The following FUT8 variants were observed in gnomAD, a reference collection of about 807,000 sequenced individuals.
The protein encoded by FUT8 is alpha-(1,6)-fucosyltransferase.
FUT8 carries 29 observed loss-of-function variants against 71.3 expected under a neutral mutation model. The observed-to-expected ratio is 0.41, with a 90% CI of 0.30 to 0.55. The LOEUF is 0.55. Ranked by LOEUF, FUT8 falls within the 20% of genes least tolerant of loss-of-function variation. FUT8 has a pLI of 0.34. For synonymous variants in FUT8, 254 were observed against 239.3 expected (o/e 1.06, Z -0.57); for missense variants, 544 against 702.1 (o/e 0.77, Z 2.55).
At chr14:65,576,696 C>CCTTTTTTTTTT (rs1886794034) in intron 3 of FUT8, among the ~76,000 whole-genome samples, 2 of 96,220 alleles carry the variant, frequency 2.1e-5, no homozygotes, top group African/African-American at 6.3e-5. Flanking sequence ...GCCCAGCTTG[C>CCTTTTTTTTTT]TTTTTTTTTT....
chr14:65,578,104 C>T (rs1886891102), intron 3 of FUT8, among the ~76,000 whole-genome samples: 4 of 151,944 alleles, frequency 2.6e-5, no homozygotes. Flanking sequence ...TATATAAATG[C>T]TACATAGGCA....
chr14:65,413,473 C>T lies in FUT8; in HGVS notation c.-326+259C>T, dbSNP rs891995930. On this transcript the variant is annotated intron_variant, in intron 1 of 10. Transcript: ENST00000673929. This position sits in a 1 kb window ranked among gnomAD's most constrained non-coding sequence, Gnocchi z 4.1. ...CCTCTCCAGCCGGGACGCGGAGCTGCGCCGCTGCTGCCCTCGGCGTCGCGC... is the reference window on the plus strand; with the variant it reads ...CCTCTCCAGCCGGGACGCGGAGCTGTGCCGCTGCTGCCCTCGGCGTCGCGC... Among the ~76,000 whole-genome samples the T allele has an allele frequency of 1.3e-5, 2 of 151,780 alleles. No homozygotes were observed. Among genetic ancestry groups the T allele is most frequent in the Admixed American group, 1.3e-4 (2 of 15,262 alleles).
intron 1 of FUT8, among the ~76,000 whole-genome samples, chr14:65,441,913 A>T (rs2065664150): frequency 6.6e-6 from 1 of 151,630 alleles, no homozygotes; most frequent in Non-Finnish European, 1.5e-5. Flanking sequence ...CTTGTCATTT[A>T]CATTAGGTAT....
At chr14:65,400,466 C>T in the FUT8 span, among the ~76,000 whole-genome samples, 1 of 152,326 alleles carries the variant, frequency 6.6e-6, no homozygotes, top group South Asian at 2.1e-4. Context: ...TGTTAATTCC[C>T]TGTTAGTCTT....
chr14:65,466,899 TC>T lies in FUT8; in HGVS notation c.-228+11183del, dbSNP rs1187654718. 2.7e-5 allele frequency among the ~76,000 whole-genome samples: 4 copies of T among 149,262 alleles called. No homozygotes were observed. In the East Asian group the frequency reaches 8.6e-4, roughly 32 times the overall value. The stretch of plus-strand genomic sequence containing the variant: ...TACCTTACAACTTAGTATTGTCAGT[TC>T]CTTTTTCCCATTCCTTATAACATTA... On this transcript the variant is annotated intron_variant, in intron 2 of 10. Coordinates refer to ENST00000673929, the MANE Select transcript of FUT8 (RefSeq NM_001371533.1).
intron 7 of FUT8, among the ~76,000 whole-genome samples, chr14:65,704,288 G>A (rs1894452666): frequency 1.3e-5 from 2 of 152,122 alleles, no homozygotes; most frequent in South Asian, 4.1e-4. Flanking sequence ...TTTCTTTCAA[G>A]GGGGCATGAC....
At chr14:65,485,730 C>T (rs1335591145) in intron 2 of FUT8, among the ~76,000 whole-genome samples, 1 of 152,160 alleles carries the variant, frequency 6.6e-6, no homozygotes, top group Non-Finnish European at 1.5e-5. Flanking sequence ...GCTACTTTCC[C>T]GGGGCTAGCT....
chr14:65,673,334 T>C (rs1262804506), intron 7 of FUT8, among the ~76,000 whole-genome samples: 1 of 152,280 alleles, frequency 6.6e-6, no homozygotes, highest in East Asian at 1.9e-4. Context: ...TGCTATTTGC[T>C]AGATACCTAT....
chr14:65,677,175 TATGTGTGTGC>T (rs1892800880), intron 7 of FUT8, among the ~76,000 whole-genome samples: 1 of 89,544 alleles, frequency 1.1e-5, no homozygotes, highest in South Asian at 3.4e-4. Context: ...CGCGCGCACG[TATGTGTGTGC>T]GCATGTGTGT....
chr14:65,375,639 G>A, the FUT8 span, among the ~76,000 whole-genome samples: 3 of 151,576 alleles, frequency 2.0e-5, no homozygotes, highest in South Asian at 2.1e-4. Flanking sequence ...AGAATAGGGC[G>A]GGAGTACTAA....
the FUT8 span, among the ~76,000 whole-genome samples, chr14:65,379,391 C>T: frequency 6.6e-6 from 1 of 152,056 alleles, no homozygotes; most frequent in East Asian, 1.9e-4. Context: ...ACTAGCTGGG[C>T]ATGGTGGTGC....
At chr14:65,596,085 G>C (rs1033362030) in intron 3 of FUT8, among the ~76,000 whole-genome samples, 1 of 152,174 alleles carries the variant, frequency 6.6e-6, no homozygotes, top group African/African-American at 2.4e-5. Context: ...TGACAAACTG[G>C]TAATCTGGAT....
the FUT8 span, among the ~76,000 whole-genome samples, chr14:65,374,220 AGTTT>A: frequency 6.6e-6 from 1 of 151,736 alleles, no homozygotes; most frequent in Non-Finnish European, 1.5e-5. Flanking sequence ...TTCTTTGCTG[AGTTT>A]GTTTTTGTGA....
chr14:65,732,015 T>A (rs1325202315), intron 9 of FUT8, among the ~76,000 whole-genome samples: 1 of 152,218 alleles, frequency 6.6e-6, no homozygotes, highest in Non-Finnish European at 1.5e-5. Context: ...TGTTGTTGTT[T>A]CTGCTCCATG....
At chr14:65,440,476 C>T (rs1315061126) in intron 1 of FUT8, among the ~76,000 whole-genome samples, 3 of 151,752 alleles carry the variant, frequency 2.0e-5, no homozygotes, top group Admixed American at 6.6e-5. Flanking sequence ...CCACCATGCC[C>T]AGCTAGAGAG....
At chr14:65,581,740 G>A (rs1369427359) in intron 3 of FUT8, among the ~76,000 whole-genome samples, 1 of 151,768 alleles carries the variant, frequency 6.6e-6, no homozygotes, top group Non-Finnish European at 1.5e-5. Context: ...TGTATGATAC[G>A]TGAGTTTGTA....
chr14:65,531,952 C>G (rs927906327), intron 2 of FUT8, among the ~76,000 whole-genome samples: 5 of 152,072 alleles, frequency 3.3e-5, no homozygotes, highest in Non-Finnish European at 5.9e-5. Flanking sequence ...TACATGATCT[C>G]ATTTTTTTTT....
the FUT8 span, among the ~76,000 whole-genome samples, chr14:65,368,749 C>T: frequency 1.3e-5 from 2 of 151,692 alleles, no homozygotes; most frequent in East Asian, 2.0e-4. Flanking sequence ...TCTCGATCTC[C>T]TGACCTGGTG....
intron 3 of FUT8, among the ~76,000 whole-genome samples, chr14:65,575,211 C>G (rs952985775): frequency 4.0e-5 from 6 of 151,722 alleles, no homozygotes; most frequent in African/African-American, 1.5e-4. Flanking sequence ...AATCATTTAC[C>G]TTCGTTGTGA....
Sources: allele counts gnomAD v4.1 joint callset (sites outside exome capture counted in the v4.1 genomes callset), GRCh38; gene constraint gnomAD v4.1.1; non-coding constraint Gnocchi (gnomAD v3.1); transcripts MANE v1.5; gene names NCBI Gene and HGNC (gene_info 2026-07-23, HGNC 2026-07-21).